The following ROBO1 variants were observed in gnomAD, a reference collection of about 807,000 sequenced individuals.
ROBO1 encodes roundabout guidance receptor 1.
ROBO1 carries 149 observed loss-of-function variants against 195.9 expected under a neutral mutation model. That is an observed-to-expected ratio of 0.76 (90% CI 0.67 to 0.87). The LOEUF is 0.87. ROBO1 is among the 40% of genes least tolerant of loss of function. The pLI, the probability that ROBO1 is intolerant of heterozygous loss-of-function variation, is 0.00. For missense variants in ROBO1, 1,933 were observed against 2,068.3 expected, an observed-to-expected ratio of 0.93 and a Z score of 1.27; for synonymous variants, 816 against 733.2, an observed-to-expected ratio of 1.11 and a Z score of -1.82.
chr3:79,430,502 T>C (rs931257762), intron 2 of ROBO1, among the ~76,000 whole-genome samples: 2 of 152,060 alleles, frequency 1.3e-5, no homozygotes, highest in African/African-American at 4.8e-5. Flanking sequence ...AAATGAACGG[T>C]TGGGCCACCC....
intron 2 of ROBO1, among the ~76,000 whole-genome samples, chr3:79,569,124 G>GCA (rs1278451401): frequency 6.9e-6 from 1 of 144,212 alleles, no homozygotes; most frequent in Non-Finnish European, 1.5e-5. Flanking sequence ...GCGTGCACAC[G>GCA]CGCACACACA....
At chr3:78,757,432 T>TGC (rs1491011542) in intron 4 of ROBO1, among the ~76,000 whole-genome samples, 9 of 47,008 alleles carry the variant, frequency 1.9e-4, no homozygotes, top group Non-Finnish European at 3.0e-4. Context: ...CATGCGCACA[T>TGC]GCACACACAC....
intron 3 of ROBO1, among the ~76,000 whole-genome samples, chr3:79,030,380 G>C (rs1311566702): frequency 2.0e-5 from 3 of 152,152 alleles, no homozygotes; most frequent in Non-Finnish European, 4.4e-5. Context: ...TCACAACAAA[G>C]AATAAGCTTG....
At chr3:79,158,984 G>A (rs116206564) in intron 2 of ROBO1, among the ~76,000 whole-genome samples, 1,661 of 152,000 alleles carry the variant, frequency 0.011, 11 homozygotes, top group Non-Finnish European at 0.018. Flanking sequence ...AAGAAGATAA[G>A]ATATTAATGC....
intron 1 of ROBO1, among the ~76,000 whole-genome samples, chr3:79,752,773 G>A (rs1327228988): frequency 6.6e-6 from 1 of 152,052 alleles, no homozygotes; most frequent in Non-Finnish European, 1.5e-5. Flanking sequence ...CAGGAGATGA[G>A]GACAGCCTGA....
At chr3:78,765,467 A>C (rs1163811832) in intron 4 of ROBO1, among the ~76,000 whole-genome samples, 1 of 152,164 alleles carries the variant, frequency 6.6e-6, no homozygotes, top group Non-Finnish European at 1.5e-5. Flanking sequence ...TGATTAAGAA[A>C]TTACATTAAA....
Position 78,598,391 on chromosome 3 carries a change from C to T in ROBO1, c.*522G>A, listed in dbSNP as rs1702963341. On this transcript the variant is annotated 3_prime_UTR_variant, in exon 31 of 31. Coordinates refer to ENST00000464233, the MANE Select transcript of ROBO1 (RefSeq NM_002941.4). Reference sequence around the variant, plus strand: ...CATTTGCTATATTTTTAGTTTCTTCCAGCAAAGGGTAGTATGAAAAACTGA... The same window carrying T: ...CATTTGCTATATTTTTAGTTTCTTCTAGCAAAGGGTAGTATGAAAAACTGA... 1 of 152,490 alleles carries T rather than the reference C, an allele frequency of 6.6e-6. No homozygotes were observed. The highest frequency in any genetic ancestry group is 2.4e-5 in the African/African-American group (1 of 41,410). 9.4% of individuals were successfully genotyped at this position (152,490 alleles called of 1,614,324 possible).
At chr3:79,433,053 C>G (rs1451917024) in intron 2 of ROBO1, among the ~76,000 whole-genome samples, 1 of 152,132 alleles carries the variant, frequency 6.6e-6, no homozygotes, top group Non-Finnish European at 1.5e-5. Context: ...GGTACATGTG[C>G]CGATGTGTGG....
intron 1 of ROBO1, among the ~76,000 whole-genome samples, chr3:79,626,277 T>G (rs1345409512): frequency 2.6e-5 from 4 of 152,082 alleles, no homozygotes; most frequent in African/African-American, 9.7e-5. Flanking sequence ...AAACCCTGTC[T>G]GTCCTAAAAA....
At chr3:79,434,118 A>G (rs1170366097) in intron 2 of ROBO1, among the ~76,000 whole-genome samples, 16 of 152,216 alleles carry the variant, frequency 1.1e-4, no homozygotes. Context: ...AAACCCTAGA[A>G]GAAAACCTAG....
At chr3:78,619,915 G>C (rs1704350021) in intron 26 of ROBO1, among the ~76,000 whole-genome samples, 1 of 151,430 alleles carries the variant, frequency 6.6e-6, no homozygotes, top group South Asian at 2.1e-4. Flanking sequence ...CTACTCGGGA[G>C]GCTGAGGCAG....
chr3:78,620,364 T>G (rs1704379923), intron 26 of ROBO1, among the ~76,000 whole-genome samples: 1 of 151,734 alleles, frequency 6.6e-6, no homozygotes. Context: ...ATACAAAAAT[T>G]AGCCGGGTGT....
At chr3:78,838,648 G>A (rs947351015) in intron 4 of ROBO1, among the ~76,000 whole-genome samples, 13 of 152,094 alleles carry the variant, frequency 8.5e-5, no homozygotes, top group Non-Finnish European at 7.3e-5. Context: ...CCAGCTGAGC[G>A]AGAACTCACT....
chr3:78,818,755 G>A (rs1341931675), intron 4 of ROBO1, among the ~76,000 whole-genome samples: 1 of 152,152 alleles, frequency 6.6e-6, no homozygotes, highest in Non-Finnish European at 1.5e-5. Context: ...CGGGATGGTC[G>A]TCCTGTTCAA....
At chr3:79,135,083 A>C (rs1333932355) in intron 2 of ROBO1, among the ~76,000 whole-genome samples, 50 of 152,132 alleles carry the variant, frequency 3.3e-4, no homozygotes. Flanking sequence ...AGAGAAGGTC[A>C]AGACTATAAT....
intron 2 of ROBO1, among the ~76,000 whole-genome samples, chr3:79,354,179 T>C (rs1434168923): frequency 1.3e-5 from 2 of 152,218 alleles, no homozygotes; most frequent in Non-Finnish European, 2.9e-5. Flanking sequence ...GGCCAGTTTA[T>C]TGAGGACTTG....
intron 2 of ROBO1, among the ~76,000 whole-genome samples, chr3:79,474,646 T>C (rs769072860): frequency 6.6e-6 from 1 of 152,098 alleles, no homozygotes; most frequent in African/African-American, 2.4e-5. Flanking sequence ...GTTTTATGCA[T>C]GGTGCTAAAC....
At chr3:78,912,602 C>T (rs954957796) in intron 4 of ROBO1, among the ~76,000 whole-genome samples, 1 of 152,090 alleles carries the variant, frequency 6.6e-6, no homozygotes, top group African/African-American at 2.4e-5. Flanking sequence ...ATTAAACTTC[C>T]TTCCTTGTTC....
chr3:79,576,391 C>A lies in ROBO1; in HGVS notation c.88+13433G>T, dbSNP rs531476448. 3.5e-4 allele frequency among the ~76,000 whole-genome samples: 53 copies of A among 152,094 alleles called. No individual in the cohort carries two copies. The South Asian group carries it at 3.5e-3, about 10-fold the overall frequency. On this transcript the variant is annotated intron_variant, in intron 2 of 30. Coordinates refer to ENST00000464233, the MANE Select transcript of ROBO1 (RefSeq NM_002941.4). ...TCAATCCTGTCCATATTTCCAAAAT[C>A]TTACCAGTATATACGTTTTAAAAGT...
Sources: allele counts gnomAD v4.1 joint callset (sites outside exome capture counted in the v4.1 genomes callset), GRCh38; gene constraint gnomAD v4.1.1; transcripts MANE v1.5; gene names NCBI Gene and HGNC (gene_info 2026-07-23, HGNC 2026-07-21).